Variants in DACH1 observed in about 807,000 individuals in gnomAD.
The protein encoded by DACH1 is dachshund homolog 1.
DACH1 carries 12 observed loss-of-function variants against 54.2 expected under a neutral mutation model. That is an observed-to-expected ratio of 0.22 (90% CI 0.14 to 0.36). DACH1 has a LOEUF of 0.36. Among genes scored for constraint, DACH1 ranks in the 10% least tolerant of loss-of-function variants. The pLI is 1.00. For synonymous variants in DACH1, 386 were observed against 366.2 expected (o/e 1.05, Z -0.62); for missense variants, 805 against 929.8 (o/e 0.87, Z 1.75).
intron 6 of DACH1, among the ~76,000 whole-genome samples, chr13:71,529,197 T>G (rs1228984932): frequency 2.0e-5 from 3 of 148,540 alleles, no homozygotes; most frequent in Non-Finnish European, 4.5e-5. Flanking sequence ...TTTTTTTTTT[T>G]TTTTTTTGAG....
intron 6 of DACH1, among the ~76,000 whole-genome samples, chr13:71,492,228 C>A (rs1345152547): frequency 6.6e-6 from 1 of 152,026 alleles, no homozygotes; most frequent in Non-Finnish European, 1.5e-5. Flanking sequence ...ATTCATACTT[C>A]CTGACATGTA....
intron 6 of DACH1, among the ~76,000 whole-genome samples, chr13:71,535,874 A>C (rs189233622): frequency 2.9e-4 from 44 of 152,174 alleles, no homozygotes; most frequent in African/African-American, 1.1e-3. Flanking sequence ...ACTAAATCAA[A>C]GTAAAAACAT....
At chr13:71,540,263 CAA>C (rs1315480242) in intron 6 of DACH1, among the ~76,000 whole-genome samples, 4 of 151,970 alleles carry the variant, frequency 2.6e-5, no homozygotes, top group Non-Finnish European at 5.9e-5. Flanking sequence ...TAAGCAGAGG[CAA>C]AGTCTGCTAT....
intron 2 of DACH1, among the ~76,000 whole-genome samples, chr13:71,654,789 G>A (rs956031320): frequency 6.6e-5 from 10 of 152,036 alleles, no homozygotes; most frequent in African/African-American, 2.4e-4. Flanking sequence ...CATATACAGT[G>A]ATTATATGAC....
At chr13:71,859,502 TATTG>T (rs1169578595) in intron 1 of DACH1, among the ~76,000 whole-genome samples, 1 of 151,852 alleles carries the variant, frequency 6.6e-6, no homozygotes, top group African/African-American at 2.4e-5. Flanking sequence ...ATGACCTTTT[TATTG>T]ATTGTCTAAT....
intron 8 of DACH1, 41 bp from the exon 9 acceptor site, chr13:71,475,890 A>G (rs1877480547): frequency 1.5e-6 from 2 of 1,360,178 alleles, no homozygotes; most frequent in Non-Finnish European, 9.7e-7. Context: ...TTATTTTTAA[A>G]TTTTCATAAT....
At chr13:71,731,265 C>T (rs901227850) in intron 1 of DACH1, among the ~76,000 whole-genome samples, 2 of 150,472 alleles carry the variant, frequency 1.3e-5, no homozygotes, top group African/African-American at 4.9e-5. Context: ...CACTTAACTT[C>T]TCTTTTCCTT....
At chr13:71,724,914 T>C (rs907552843) in intron 1 of DACH1, among the ~76,000 whole-genome samples, 4 of 152,132 alleles carry the variant, frequency 2.6e-5, no homozygotes, top group Non-Finnish European at 4.4e-5. Flanking sequence ...TTATAATGAA[T>C]GTCAATCACA....
chr13:71,652,306 C>T (rs1007476960), intron 2 of DACH1, among the ~76,000 whole-genome samples: 4 of 152,094 alleles, frequency 2.6e-5, no homozygotes, highest in Non-Finnish European at 4.4e-5. Flanking sequence ...GATTGTCTTT[C>T]TTTTTCTGCT....
chr13:71,785,968 G>A (rs1460091059), intron 1 of DACH1, among the ~76,000 whole-genome samples: 2 of 152,056 alleles, frequency 1.3e-5, no homozygotes, highest in Non-Finnish European at 2.9e-5. Flanking sequence ...ACCTTTCAAG[G>A]GAGCACCATG....
At chr13:71,467,739 A>C (rs1427059646) in intron 10 of DACH1, among the ~76,000 whole-genome samples, 1 of 152,152 alleles carries the variant, frequency 6.6e-6, no homozygotes, top group Non-Finnish European at 1.5e-5. Context: ...AATCAGTGAC[A>C]TCTTAAATTG....
chr13:71,852,050 C>T (rs930673138), intron 1 of DACH1, among the ~76,000 whole-genome samples: 26 of 152,090 alleles, frequency 1.7e-4, no homozygotes, highest in African/African-American at 5.8e-4. Context: ...AGCTCTCTGG[C>T]CAATAGGAAT....
At chr13:71,682,639 C>T (rs923106262) in intron 1 of DACH1, among the ~76,000 whole-genome samples, 3 of 152,046 alleles carry the variant, frequency 2.0e-5, no homozygotes, top group African/African-American at 7.2e-5. Flanking sequence ...TTTTAATATA[C>T]TAAAATATAC....
chr13:71,614,181 G>A (rs938192162), intron 3 of DACH1, among the ~76,000 whole-genome samples: 4 of 152,060 alleles, frequency 2.6e-5, no homozygotes, highest in South Asian at 2.1e-4. Context: ...ATCATGGAGG[G>A]GAGAGTATAT....
intron 1 of DACH1, among the ~76,000 whole-genome samples, chr13:71,802,923 T>C (rs1454367676): frequency 6.6e-6 from 1 of 152,108 alleles, no homozygotes; most frequent in Non-Finnish European, 1.5e-5. Context: ...GATTTAATTG[T>C]GTAGGTTTAA....
intron 3 of DACH1, among the ~76,000 whole-genome samples, chr13:71,613,657 C>G (rs1356474874): frequency 6.6e-6 from 1 of 152,114 alleles, no homozygotes; most frequent in Non-Finnish European, 1.5e-5. Context: ...AAACAGATTA[C>G]ACATGTTAAG....
Position 71,788,301 on chromosome 13 carries a change from G to A in DACH1, c.848+77621C>T, listed in dbSNP as rs369495310. On this transcript the variant is annotated intron_variant, in intron 1 of 10. Transcript: ENST00000613252. ...GAGGTGGGATTAGAGACACTCTAATGTTCTTTCCAATTCATACATTCAGTT... is the reference window on the plus strand; with the variant it reads ...GAGGTGGGATTAGAGACACTCTAATATTCTTTCCAATTCATACATTCAGTT... Among the ~76,000 whole-genome samples the A allele has an allele frequency of 2.9e-4, 44 of 152,204 alleles. No homozygotes were observed. In the East Asian group the frequency reaches 7.0e-3, roughly 24 times the overall value.
intron 10 of DACH1, among the ~76,000 whole-genome samples, chr13:71,451,782 T>G (rs1875082934): frequency 6.6e-6 from 1 of 152,204 alleles, no homozygotes; most frequent in African/African-American, 2.4e-5. Context: ...ATAAAGGACA[T>G]TATTGGGTCA....
rs57190375 is a variant in DACH1 at position 71,519,883 on chromosome 13, G to GTATATATA, written c.1571-30743_1571-30736dup. The stretch of plus-strand genomic sequence containing the variant: ...AGATGTTTGTGTCCAAACCAAAGTA[G>GTATATATA]TATATATATATATATATATATATAT... On this transcript the variant is annotated intron_variant, in intron 6 of 10. Transcript: ENST00000613252. Among the ~76,000 whole-genome samples, 274 of 29,340 alleles carry GTATATATA rather than the reference G, an allele frequency of 9.3e-3. 33 individuals carry two copies. The highest frequency in any genetic ancestry group is 0.023 in the South Asian group (10 of 438). 19.2% of individuals were successfully genotyped at this position (29,340 alleles called of 152,430 possible). A position where few individuals can be genotyped will look rare whatever the true frequency, so the allele number is the denominator to read the frequency against.
Sources: gnomAD v4.1 joint callset for allele counts (sites outside exome capture counted in the v4.1 genomes callset) on GRCh38, gnomAD v4.1.1 for gene constraint, MANE v1.5 for transcripts, NCBI Gene and HGNC (gene_info 2026-07-23, HGNC 2026-07-21) for gene names.